SPDYA: variants seen among roughly 807,000 people sequenced by gnomAD.
SPDYA encodes speedy/RINGO cell cycle regulator family member A.
In SPDYA, 11 loss-of-function variants were observed where a neutral mutation model predicts 36.7. The observed-to-expected ratio is 0.30, with a 90% CI of 0.19 to 0.50. The LOEUF is 0.50. Ranked by LOEUF, SPDYA falls within the 20% of genes least tolerant of loss-of-function variation. SPDYA has a pLI of 0.98. For missense variants in SPDYA, 287 were observed against 370.9 expected (o/e 0.77, Z 1.86); for synonymous variants, 115 against 118.7 (o/e 0.97, Z 0.20).
intron 3 of SPDYA, among the ~76,000 whole-genome samples, chr2:28,818,476 G>T (rs1327746823): frequency 6.6e-6 from 1 of 150,486 alleles, no homozygotes; most frequent in Admixed American, 6.6e-5. Flanking sequence ...AAGAGAGAAA[G>T]GGGGAATGGA....
At chr2:28,849,378 G>A (rs1158053513) in intron 7 of SPDYA, among the ~76,000 whole-genome samples, 1 of 152,074 alleles carries the variant, frequency 6.6e-6, no homozygotes, top group Non-Finnish European at 1.5e-5. Flanking sequence ...TGCAACCTTC[G>A]CCTTCCAGGT....
intron 6 of SPDYA, among the ~76,000 whole-genome samples, chr2:28,831,144 T>G (rs1001349715): frequency 6.6e-6 from 1 of 152,056 alleles, no homozygotes; most frequent in Non-Finnish European, 1.5e-5. Context: ...ATCACTTGAG[T>G]CCAAGAGTTC....
chr2:28,827,621 T>C (rs1668364754), intron 5 of SPDYA, among the ~76,000 whole-genome samples: 1 of 152,276 alleles, frequency 6.6e-6, no homozygotes, highest in East Asian at 1.9e-4. Flanking sequence ...ATCCTAATCA[T>C]GGTGCCTGTG....
At chr2:28,827,983 TC>T (rs1359592832) in intron 5 of SPDYA, among the ~76,000 whole-genome samples, 2 of 149,722 alleles carry the variant, frequency 1.3e-5, no homozygotes, top group Non-Finnish European at 3.0e-5. Flanking sequence ...CTTATTTTTT[TC>T]TTTTTTCTTT....
chr2:28,849,323 G>C (rs548647633), intron 7 of SPDYA, among the ~76,000 whole-genome samples: 2 of 151,606 alleles, frequency 1.3e-5, no homozygotes, highest in Non-Finnish European at 2.9e-5. Flanking sequence ...ATGGAGTCTC[G>C]CCCTGTCACC....
chr2:28,828,880 C>T (rs1668403558), intron 5 of SPDYA, among the ~76,000 whole-genome samples: 1 of 152,146 alleles, frequency 6.6e-6, no homozygotes, highest in Admixed American at 6.5e-5. Flanking sequence ...CTAAAAAAAT[C>T]ATAAAAGCAA....
At chr2:28,821,384 T>G (rs1307417578) in intron 4 of SPDYA, among the ~76,000 whole-genome samples, 6 of 152,012 alleles carry the variant, frequency 3.9e-5, no homozygotes, top group Non-Finnish European at 8.8e-5. Flanking sequence ...GTATTTTTAG[T>G]AGAGATGGGG....
chr2:28,815,010 G>C (rs948597990), intron 2 of SPDYA, among the ~76,000 whole-genome samples: 2 of 152,130 alleles, frequency 1.3e-5, no homozygotes, highest in Non-Finnish European at 2.9e-5. Flanking sequence ...GGCCAGGCAT[G>C]ATGGCTCAAG....
In SPDYA at chr2:28,816,313, T is replaced by A. The variant is rs1175120261; in HGVS notation, c.235+64T>A. 8 of 1,178,488 alleles carry A rather than the reference T, an allele frequency of 6.8e-6. No homozygotes were observed. In the East Asian group the frequency reaches 2.0e-4, roughly 30 times the overall value. The allele number at this position is 1,178,488 out of a possible 1,614,324, so 73.0% of individuals were successfully genotyped here. On this transcript the variant is annotated intron_variant, in intron 3 of 7. Transcript: ENST00000334056. ...ACTAAAAACCTAGAATGTAAACATC[T>A]AAATGTTTTTATTCTGATCAAAGAG...
At chr2:28,818,926 C>T (rs1386982872) in intron 3 of SPDYA, 122 bp from the exon 4 acceptor site, 1 of 722,666 alleles carries the variant, frequency 1.4e-6, no homozygotes, top group African/African-American at 1.8e-5. Context: ...TTAGGCAACA[C>T]TGGTTCATTC....
At chr2:28,835,943 T>TA (rs1357546967) in intron 6 of SPDYA, among the ~76,000 whole-genome samples, 2 of 152,226 alleles carry the variant, frequency 1.3e-5, no homozygotes, top group African/African-American at 4.8e-5. Flanking sequence ...TAGCAAGACA[T>TA]ACTGTTGAAA....
chr2:28,820,918 T>C (rs1227951281), intron 4 of SPDYA, among the ~76,000 whole-genome samples: 2 of 152,132 alleles, frequency 1.3e-5, no homozygotes, highest in Non-Finnish European at 2.9e-5. Context: ...GTAAATAGAA[T>C]AGAACAAAGA....
At chr2:28,834,513 C>T (rs964078087) in intron 6 of SPDYA, among the ~76,000 whole-genome samples, 1 of 152,134 alleles carries the variant, frequency 6.6e-6, no homozygotes, top group Non-Finnish European at 1.5e-5. Flanking sequence ...TAAGGTATAT[C>T]CCTACAATAA....
At chr2:28,819,367 G>T (rs906738795) in intron 4 of SPDYA, among the ~76,000 whole-genome samples, 1 of 151,992 alleles carries the variant, frequency 6.6e-6, no homozygotes. Context: ...AATTAGCCAA[G>T]TGTGGTGGCA....
chr2:28,822,498 G>GTTT, intron 5 of SPDYA, 88 bp downstream of exon 5: 1 of 580,552 alleles, frequency 1.7e-6, no homozygotes, highest in Non-Finnish European at 2.8e-6. Context: ...AAAACCTTAT[G>GTTT]TATATCTTTG....
At chr2:28,824,059 T>C (rs1558324228) in intron 5 of SPDYA, among the ~76,000 whole-genome samples, 1 of 151,914 alleles carries the variant, frequency 6.6e-6, no homozygotes, top group Non-Finnish European at 1.5e-5. Context: ...ATGAATATAA[T>C]TTTAAGTGTT....
intron 5 of SPDYA, among the ~76,000 whole-genome samples, chr2:28,825,803 T>A (rs1234765928): frequency 6.6e-6 from 1 of 151,994 alleles, no homozygotes; most frequent in Non-Finnish European, 1.5e-5. Flanking sequence ...AGCAGCATGA[T>A]CTTGGCTCAC....
At chr2:28,815,620 A>G (rs1196729605) in intron 2 of SPDYA, among the ~76,000 whole-genome samples, 4 of 152,156 alleles carry the variant, frequency 2.6e-5, no homozygotes, top group Non-Finnish European at 5.9e-5. Context: ...ACAATATAAT[A>G]AAATTATGTC....
intron 4 of SPDYA, among the ~76,000 whole-genome samples, chr2:28,819,489 T>C (rs1668078744): frequency 2.0e-5 from 3 of 151,926 alleles, no homozygotes; most frequent in Non-Finnish European, 4.4e-5. Context: ...GCTTGGACAA[T>C]AGAGCAAGAC....
Sources: gnomAD v4.1 joint callset for allele counts (sites outside exome capture counted in the v4.1 genomes callset) on GRCh38, gnomAD v4.1.1 for gene constraint, MANE v1.5 for transcripts, NCBI Gene and HGNC (gene_info 2026-07-23, HGNC 2026-07-21) for gene names.